Variants in UMODL1 observed in about 807,000 individuals in gnomAD.
UMODL1 encodes uromodulin-like 1.
Under a neutral mutation model 136.3 loss-of-function variants are expected in UMODL1, and 128 were observed. That is an observed-to-expected ratio of 0.94 (90% confidence interval 0.81 to 1.09). The LOEUF (loss-of-function observed/expected upper bound fraction) is 1.09, where lower values mean the gene tolerates loss of function less well. UMODL1 is among the 50% of genes least tolerant of loss of function. The pLI, the probability that UMODL1 is intolerant of heterozygous loss-of-function variation, is 0.00. For missense variants in UMODL1, 1,766 were observed against 1,725.6 expected (o/e 1.02, Z -0.41); for synonymous variants, 721 against 720.0 (o/e 1.00, Z -0.02).
At chr21:42,075,241 T>TTG (rs2066275543) in intron 1 of UMODL1, among the ~76,000 whole-genome samples, 2 of 142,916 alleles carry the variant, frequency 1.4e-5, no homozygotes, top group African/African-American at 5.3e-5. Flanking sequence ...TTGCTGGAGA[T>TTG]GGGGGGGGGG....
intron 2 of UMODL1, among the ~76,000 whole-genome samples, chr21:42,083,472 T>G (rs2066386608): frequency 1.3e-5 from 2 of 152,224 alleles, no homozygotes; most frequent in Admixed American, 1.3e-4. Flanking sequence ...ACACCAGGCC[T>G]GTACCTCGCC....
At chr21:42,092,708 T>C (rs1245169283) in intron 6 of UMODL1, among the ~76,000 whole-genome samples, 1 of 152,246 alleles carries the variant, frequency 6.6e-6, no homozygotes. Flanking sequence ...GGACTCAACA[T>C]TGAGGACCAT....
intron 6 of UMODL1, among the ~76,000 whole-genome samples, chr21:42,092,070 G>GGTACACGCA (rs1344981207): frequency 6.6e-6 from 1 of 152,212 alleles, no homozygotes; most frequent in African/African-American, 2.4e-5. Context: ...AAGCAGGGAG[G>GGTACACGCA]GTACACGCAT....
At chr21:42,104,776 G>C (rs1173764375) in intron 9 of UMODL1, among the ~76,000 whole-genome samples, 1 of 152,212 alleles carries the variant, frequency 6.6e-6, no homozygotes, top group Admixed American at 6.5e-5. Context: ...ATTACGCTGT[G>C]TGTTATTTCA....
At chr21:42,071,847 C>T (rs1031637425) in intron 1 of UMODL1, among the ~76,000 whole-genome samples, 1 of 150,534 alleles carries the variant, frequency 6.6e-6, no homozygotes, top group Non-Finnish European at 1.5e-5. Context: ...AAAAAGGAGA[C>T]CTAGCCTGGG....
At chr21:42,127,871 A>G in intron 20 of UMODL1, 40 bp downstream of exon 20, 2 of 1,608,042 alleles carry the variant, frequency 1.2e-6, no homozygotes, top group South Asian at 1.1e-5. Flanking sequence ...GGTTGGATTC[A>G]CGTTCCTTAT....
chr21:42,129,927 A>G, intron 21 of UMODL1, 130 bp downstream of exon 21: 1 of 655,128 alleles, frequency 1.5e-6, no homozygotes, highest in Admixed American at 3.5e-5. Context: ...GCTTATCATA[A>G]CAGAAATACT....
chr21:42,095,089 GTTTTTTTTTT>G, intron 6 of UMODL1, among the ~76,000 whole-genome samples: 1 of 61,206 alleles, frequency 1.6e-5, no homozygotes, highest in Non-Finnish European at 2.9e-5. Context: ...TTCTTCTGCT[GTTTTTTTTTT>G]TTTTTTTTTT....
intron 21 of UMODL1, among the ~76,000 whole-genome samples, chr21:42,136,784 A>C (rs2067210477): frequency 6.6e-6 from 1 of 150,968 alleles, no homozygotes; most frequent in Non-Finnish European, 1.5e-5. Context: ...TTTGAGACCG[A>C]GTCTTGCTCT....
In UMODL1 at chr21:42,123,480, A is replaced by T. The variant is rs2067007759; in HGVS notation, c.3147+330A>T. Among the ~76,000 whole-genome samples, 6 of 151,386 alleles carry T rather than the reference A, an allele frequency of 4.0e-5. No homozygotes were observed. In the South Asian group the frequency reaches 1.3e-3, roughly 32 times the overall value. ...GCCAAGGAGTCCTGTGTGATATGAG[A>T]GTGTGTGTGTGTGAGTGTACGTGTG... On this transcript the variant is annotated intron_variant, in intron 17 of 22. Coordinates refer to ENST00000408910, the MANE Select transcript of UMODL1 (RefSeq NM_001004416.3). This position sits in a 1 kb window ranked among gnomAD's most constrained non-coding sequence, Gnocchi z 4.4.
chr21:42,123,271 G>T lies in UMODL1; in HGVS notation c.3147+121G>T, dbSNP rs2067004888. 2 of 1,201,030 alleles carry T rather than the reference G, an allele frequency of 1.7e-6. No individual in the cohort carries two copies. Among genetic ancestry groups the T allele is most frequent in the South Asian group, 3.1e-5 (2 of 64,222 alleles). 74.4% of individuals were successfully genotyped at this position (1,201,030 alleles called of 1,614,324 possible). Reference sequence around the variant, plus strand: ...CACCCCGAGGGGAACCCAGCAAGGGGGGTTCAGGACAGGGTTGAGTTCTCA... The same window carrying T: ...CACCCCGAGGGGAACCCAGCAAGGGTGGTTCAGGACAGGGTTGAGTTCTCA... On this transcript the variant is annotated intron_variant, in intron 17 of 22. Transcript: ENST00000408910. This position sits in a 1 kb window ranked among gnomAD's most constrained non-coding sequence, Gnocchi z 4.4.
rs55762967 is a variant in UMODL1 at position 42,095,491 on chromosome 21, C to T, written c.932-3435C>T. On this transcript the variant is annotated intron_variant, in intron 6 of 22. Transcript: ENST00000408910. ...GTGTGTGTGTGTCTGTGTATAAATC[C>T]CCCCGATTCTCTTTTATAAGGACAC... Among the ~76,000 whole-genome samples, 16 of 8,732 alleles carry T rather than the reference C, an allele frequency of 1.8e-3. No individual in the cohort carries two copies. In the East Asian group the frequency reaches 0.11, roughly 61 times the overall value. The allele number at this position is 8,732 out of a possible 152,430, so 5.7% of individuals were successfully genotyped here.
rs998774097 is a variant in UMODL1 at position 42,099,965 on chromosome 21, A to G, written c.1186+785A>G. 5.3e-5 allele frequency among the ~76,000 whole-genome samples: 8 copies of G among 152,184 alleles called. No individual in the cohort carries two copies. The highest frequency in any genetic ancestry group is 1.3e-4 in the Admixed American group (2 of 15,290). On this transcript the variant is annotated intron_variant, in intron 7 of 22. Transcript: ENST00000408910. The surrounding 1 kb of genome is among the most constrained non-coding windows in gnomAD (Gnocchi z 4.1). ...TCTCCAAAACACACACGACACACAC[A>G]TGAACTTGGGGCTTGTGTCAGGAAG...
chr21:42,128,389 T>C (rs762763342), intron 20 of UMODL1, among the ~76,000 whole-genome samples: 9 of 152,218 alleles, frequency 5.9e-5, no homozygotes, highest in Non-Finnish European at 1.0e-4. Context: ...TTCCCACATG[T>C]TGGTCGCCTG....
At chr21:42,139,475 C>T (rs2067250455) in intron 22 of UMODL1, among the ~76,000 whole-genome samples, 1 of 152,196 alleles carries the variant, frequency 6.6e-6, no homozygotes, top group Non-Finnish European at 1.5e-5. Flanking sequence ...CCAACCACCT[C>T]CCACCAGGCC....
At chr21:42,065,207 G>A (rs979191794) in intron 1 of UMODL1, among the ~76,000 whole-genome samples, 1 of 152,214 alleles carries the variant, frequency 6.6e-6, no homozygotes, top group Non-Finnish European at 1.5e-5. Context: ...GGCGGGGAAC[G>A]ATCCCCTCTG....
chr21:42,115,815 G>A lies in UMODL1; in HGVS notation c.2363-58G>A, dbSNP rs932739453. The A allele has an allele frequency of 3.1e-5, 41 of 1,312,106 alleles. No homozygotes were observed. The South Asian group carries it at 4.3e-4, about 14-fold the overall frequency. 81.3% of individuals were successfully genotyped at this position (1,312,106 alleles called of 1,614,324 possible). A position where few individuals can be genotyped will look rare whatever the true frequency, so the allele number is the denominator to read the frequency against. ...AAAATACATTTATTAATATTGAAATGTTAGTCTGTTATCTAATACAGCACC... is the reference window on the plus strand; with the variant it reads ...AAAATACATTTATTAATATTGAAATATTAGTCTGTTATCTAATACAGCACC... On this transcript the variant is annotated intron_variant, in intron 13 of 22. Transcript: ENST00000408910.
Position 42,137,583 on chromosome 21 carries a change from A to G in UMODL1, c.3920A>G (p.Gln1307Arg). 6.2e-7 allele frequency: 1 copy of G among 1,614,192 alleles called. No homozygotes were observed. Among genetic ancestry groups the G allele is most frequent in the Non-Finnish European group, 8.5e-7 (1 of 1,180,038 alleles). Residue 1307 changes from glutamine (Q) to arginine (R), a missense_variant, in exon 22 of 23, where the codon CAG (glutamine) becomes CGG (arginine). Transcript: ENST00000408910. ...AATGGGAGATACAACTTTAAAATCC[A>G]GTCCAACAACTTCAGCTACCAGGTG... ...RMNGRYNFKI[Q>R]SNNFSYQVFY...
intron 2 of UMODL1, among the ~76,000 whole-genome samples, chr21:42,080,911 G>C (rs2066354099): frequency 1.3e-5 from 2 of 152,222 alleles, no homozygotes; most frequent in African/African-American, 4.8e-5. Flanking sequence ...AGCATTCATT[G>C]AGCAAGCTCT....
Sources: gnomAD v4.1 joint callset for allele counts (sites outside exome capture counted in the v4.1 genomes callset) on GRCh38, gnomAD v4.1.1 for gene constraint, Gnocchi (gnomAD v3.1) non-coding constraint, MANE v1.5 for transcripts, NCBI Gene and HGNC (gene_info 2026-07-23, HGNC 2026-07-21) for gene names.